The following TMEM94 variants were observed in gnomAD, a reference collection of about 807,000 sequenced individuals.
TMEM94 encodes the protein ER Mg2+ ATPase.
TMEM94 carries 81 observed loss-of-function variants against 158.6 expected under a neutral mutation model. The ratio of observed to expected loss-of-function variants is 0.51; its 90% CI spans 0.43 to 0.61. The LOEUF is 0.61. TMEM94 is among the 20% of genes least tolerant of loss of function. The probability of loss-of-function intolerance (pLI) is 0.00; values close to 1 mark genes in which losing one functional copy is unlikely to be tolerated. For missense variants in TMEM94, 1,435 were observed against 1,762.0 expected (o/e 0.81, Z 3.32); for synonymous variants, 751 against 730.7 (o/e 1.03, Z -0.45).
intron 18 of TMEM94, among the ~76,000 whole-genome samples, 170 bp from the exon 19 acceptor site, chr17:75,494,457 C>G (rs1220077258): frequency 1.3e-5 from 2 of 152,366 alleles, no homozygotes; most frequent in East Asian, 3.9e-4. Context: ...CTGATGCATA[C>G]CTTTCACTGT....
chr17:75,496,518 G>A lies in TMEM94; in HGVS notation c.3243+47G>A, dbSNP rs751116722. 1.2e-5 allele frequency: 19 copies of A among 1,584,112 alleles called. No homozygotes were observed. In the Middle Eastern group the frequency reaches 5.0e-4, roughly 42 times the overall value. The stretch of plus-strand genomic sequence containing the variant: ...GGAGGAGAGACGCAGGACAGGACCC[G>A]CCTGGGGTGGGAGTAGCAGCAAAGG... On this transcript the variant is annotated intron_variant, in intron 24 of 31. Transcript: ENST00000314256.
intron 25 of TMEM94, 125 bp from the exon 26 acceptor site, chr17:75,496,988 G>A (rs879087431): frequency 9.7e-7 from 1 of 1,035,974 alleles, no homozygotes; most frequent in Non-Finnish European, 1.5e-6. Context: ...ATTCCCTCCG[G>A]CCCCTGTTCC....
intron 1 of TMEM94, among the ~76,000 whole-genome samples, chr17:75,458,701 A>G (rs1235249878): frequency 1.3e-5 from 2 of 152,002 alleles, no homozygotes; most frequent in African/African-American, 2.4e-5. Context: ...TCTCCAAAAA[A>G]AAAAAAAAGA....
intron 1 of TMEM94, among the ~76,000 whole-genome samples, chr17:75,462,001 G>GTTTC (rs2050090003): frequency 1.2e-5 from 1 of 85,664 alleles, no homozygotes; most frequent in African/African-American, 5.7e-5. Context: ...TTTTTGTTTT[G>GTTTC]TTTTGTTTTG....
At position 75,499,606 on chromosome 17, in the gene TMEM94, A is replaced by G; in HGVS notation, c.*272A>G. The G allele has an allele frequency of 3.8e-6, 2 of 519,794 alleles. No individual in the cohort carries two copies. The highest frequency in any genetic ancestry group is 6.8e-6 in the Non-Finnish European group (2 of 292,036). 32.2% of individuals were successfully genotyped at this position (519,794 alleles called of 1,614,324 possible). The stretch of plus-strand genomic sequence containing the variant: ...ATGTATGGCCTCAGGCGCTCCCTAG[A>G]GGGGCCCTAAACCCCCTCACCTGTG... On this transcript the variant is annotated 3_prime_UTR_variant, in exon 32 of 32. Transcript: ENST00000314256.
At chr17:75,473,219 G>A (rs2050561353) in intron 2 of TMEM94, among the ~76,000 whole-genome samples, 1 of 152,198 alleles carries the variant, frequency 6.6e-6, no homozygotes, top group African/African-American at 2.4e-5. Context: ...GACCAGCTGT[G>A]CAATAGGTTT....
Position 75,495,600 on chromosome 17 carries a change from C to T in TMEM94, c.2901C>T (p.Asn967=), listed in dbSNP as rs751587964. 3.5e-5 allele frequency: 56 copies of T among 1,613,496 alleles called. No individual in the cohort carries two copies. The African/African-American group carries it at 4.4e-4, about 13-fold the overall frequency. The part of the protein sequence containing the change: ...QVRPHLQNID[N]VPLLVPLFTD... ...GGCCCCACCTGCAGAACATTGACAA[C>T]GTGCCCCTGCTAGTGCCCCTTTTCA... Residue 967 remains asparagine (N), a synonymous_variant, in exon 22 of 32, where the codon AAC becomes AAT. Coordinates refer to ENST00000314256, the MANE Select transcript of TMEM94 (RefSeq NM_014738.6). The surrounding 1 kb of genome is among the most constrained non-coding windows in gnomAD (Gnocchi z 5.6).
chr17:75,469,369 C>T (rs939423762), intron 1 of TMEM94, among the ~76,000 whole-genome samples: 3 of 145,686 alleles, frequency 2.1e-5, no homozygotes, highest in Admixed American at 6.8e-5. Flanking sequence ...TTTTTGAGAC[C>T]GAGTCTCACT....
rs376147768 is a variant in TMEM94 at position 75,497,158 on chromosome 17, G to A, written c.3367G>A (p.Asp1123Asn). 11 of 1,613,846 alleles carry A rather than the reference G, an allele frequency of 6.8e-6. No individual in the cohort carries two copies. Among genetic ancestry groups the A allele is most frequent in the African/African-American group, 6.7e-5 (5 of 74,834 alleles). Residue 1123 changes from aspartate (D) to asparagine (N), a missense_variant, in exon 26 of 32, where the codon GAC becomes AAC. By Grantham distance (23) the Asp-to-Asn change is conservative. Transcript: ENST00000314256. ...VQLPPLLSTT[D>N]ILWLSCFCYP... ...GCTGCCGCCACTCCTGAGTACCACC[G>A]ACATCCTGTGGCTGTCCTGCTTTTG...
chr17:75,463,063 T>A (rs1240511518), intron 1 of TMEM94, among the ~76,000 whole-genome samples: 1 of 14,108 alleles, frequency 7.1e-5, no homozygotes, highest in Non-Finnish European at 1.1e-4. Context: ...TATATATATA[T>A]ATATATATAT....
In TMEM94 at chr17:75,492,610, A is replaced by T; in HGVS notation, c.1733A>T (p.His578Leu). The T allele has an allele frequency of 6.2e-7, 1 of 1,610,572 alleles. No homozygotes were observed. The highest frequency in any genetic ancestry group is 8.5e-7 in the Non-Finnish European group (1 of 1,176,978). Residue 578 changes from histidine (H) to leucine (L), a missense_variant, in exon 15 of 32, where the codon CAC becomes CTC. Physicochemically the swap from His to Leu is moderately conservative, Grantham distance 99. This residue lies in a region of TMEM94 where 1,051 missense variants were observed against 1,254.4 expected (regional missense o/e 0.84). Coordinates refer to ENST00000314256, the MANE Select transcript of TMEM94 (RefSeq NM_014738.6). This position sits in a 1 kb window ranked among gnomAD's most constrained non-coding sequence, Gnocchi z 4.4. ...TTTGATGACTCCAACTGGCAGCTGC[A>T]CCTCACCTCCCTCAAACCCCTGGGC... ...IQFDDSNWQL[H>L]LTSLKPLGLN... is the part of the protein sequence containing the mutation.
intron 23 of TMEM94, 96 bp downstream of exon 23, chr17:75,496,170 C>T (rs373276907): frequency 7.8e-6 from 12 of 1,538,066 alleles, no homozygotes; most frequent in African/African-American, 1.4e-5. Flanking sequence ...GTACTATAGC[C>T]GACCTCGCCC....
intron 1 of TMEM94, among the ~76,000 whole-genome samples, chr17:75,464,062 C>A (rs1424498593): frequency 6.6e-6 from 1 of 152,182 alleles, no homozygotes; most frequent in Admixed American, 6.5e-5. Context: ...ACAGCCAACT[C>A]CTCATCTTGC....
At chr17:75,463,026 AAAAAAAAAAAAATATATATATATATAT>A (rs2050133060) in intron 1 of TMEM94, among the ~76,000 whole-genome samples, 2 of 11,476 alleles carry the variant, frequency 1.7e-4, no homozygotes, top group Non-Finnish European at 3.3e-4. Flanking sequence ...AAAAAAAAAA[AAAAAAAAAAAAATATATATATATATAT>A]ATATATATAT....
At chr17:75,478,788 C>A (rs74759667) in intron 2 of TMEM94, among the ~76,000 whole-genome samples, 1 of 152,134 alleles carries the variant, frequency 6.6e-6, no homozygotes, top group South Asian at 2.1e-4. Context: ...GAAAAGCATC[C>A]GTGTAATTTG....
At chr17:75,456,952 C>G (rs1049757574) in intron 1 of TMEM94, among the ~76,000 whole-genome samples, 9 of 152,340 alleles carry the variant, frequency 5.9e-5, no homozygotes, top group Non-Finnish European at 1.3e-4. Flanking sequence ...TCCCCCGAGT[C>G]TTCAGACTCT....
In TMEM94 at chr17:75,498,988, C is replaced by A. The variant is rs777717893; in HGVS notation, c.3904C>A (p.Leu1302Met). ...THRDSHVHFG[L>M]EDVPLLTWLL... ...CAGGGACAGCCACGTCCACTTTGGCCTGGAGGACGTGCCCCTGCTGACATG... is the reference window on the plus strand; with the variant it reads ...CAGGGACAGCCACGTCCACTTTGGCATGGAGGACGTGCCCCTGCTGACATG... The change falls in exon 31 of 32, where the codon CTG becomes ATG. Residue 1302 changes from leucine to methionine, a missense_variant. By Grantham distance (15) the Leu-to-Met change is conservative. Coordinates refer to ENST00000314256, the MANE Select transcript of TMEM94 (RefSeq NM_014738.6). This position sits in a 1 kb window ranked among gnomAD's most constrained non-coding sequence, Gnocchi z 6.7. The A allele has an allele frequency of 4.4e-6, 7 of 1,602,076 alleles. No individual in the cohort carries two copies. In the African/African-American group the frequency reaches 9.4e-5, roughly 21 times the overall value.
rs991435710 is a variant in TMEM94, at chr17:75,485,660, G to T, written c.144+113G>T. 140 of 1,458,962 alleles carry T rather than the reference G, an allele frequency of 9.6e-5. No homozygotes were observed. The highest frequency in any genetic ancestry group is 1.2e-4 in the Non-Finnish European group (126 of 1,062,724). 90.4% of individuals were successfully genotyped at this position (1,458,962 alleles called of 1,614,324 possible). A position where few individuals can be genotyped will look rare whatever the true frequency, so the allele number is the denominator to read the frequency against. ...TCACCCTGGACAGTGTGACCCAACT[G>T]AGGCCTCATGAAATATCAGAAAGAA... On this transcript the variant is annotated intron_variant, in intron 3 of 31. Coordinates refer to ENST00000314256, the MANE Select transcript of TMEM94 (RefSeq NM_014738.6). This position sits in a 1 kb window ranked among gnomAD's most constrained non-coding sequence, Gnocchi z 5.5.
In TMEM94 at chr17:75,498,988, C is replaced by T. The variant is rs777717893; in HGVS notation, c.3904C>T (p.Leu1302=). The part of the protein sequence containing the change: ...THRDSHVHFG[L]EDVPLLTWLL... ...CAGGGACAGCCACGTCCACTTTGGC[C>T]TGGAGGACGTGCCCCTGCTGACATG... Residue 1302 remains leucine, a synonymous_variant, in exon 31 of 32, where the codon CTG becomes TTG. Transcript: ENST00000314256. This position sits in a 1 kb window ranked among gnomAD's most constrained non-coding sequence, Gnocchi z 6.7. The T allele has an allele frequency of 1.9e-6, 3 of 1,602,194 alleles. No homozygotes were observed. Among genetic ancestry groups the T allele is most frequent in the East Asian group, 4.5e-5 (2 of 44,720 alleles).
Sources: allele counts gnomAD v4.1 joint callset (sites outside exome capture counted in the v4.1 genomes callset), GRCh38; gene constraint gnomAD v4.1.1; regional missense constraint gnomAD v4.1.1; non-coding constraint Gnocchi (gnomAD v3.1); transcripts MANE v1.5; gene names NCBI Gene and HGNC (gene_info 2026-07-23, HGNC 2026-07-21).